The following ITSN1 variants were observed in gnomAD, a reference collection of about 807,000 sequenced individuals.
ITSN1 encodes intersectin 1.
In ITSN1, 58 loss-of-function variants were observed where a neutral mutation model predicts 239.8. That is an observed-to-expected ratio of 0.24 (90% CI 0.20 to 0.30). The LOEUF (loss-of-function observed/expected upper bound fraction) is 0.30, where lower values mean the gene tolerates loss of function less well. ITSN1 is among the 10% of genes least tolerant of loss of function. ITSN1 has a pLI of 1.00. For synonymous variants in ITSN1, 780 were observed against 770.8 expected, an observed-to-expected ratio of 1.01 and a Z score of -0.20; for missense variants, 1,558 against 2,103.3, an observed-to-expected ratio of 0.74 and a Z score of 5.07.
chr21:33,709,144 C>T (rs991297245), intron 1 of ITSN1, among the ~76,000 whole-genome samples: 1 of 152,108 alleles, frequency 6.6e-6, no homozygotes, highest in Admixed American at 6.6e-5. Context: ...ATCAGCTTGC[C>T]GATTTCTGCC....
At position 33,844,864 on chromosome 21, in the gene ITSN1, C is replaced by G. The variant is rs898502418; in HGVS notation, c.3661+8232C>G. Among the ~76,000 whole-genome samples, 19 of 152,184 alleles carry G rather than the reference C, an allele frequency of 1.2e-4. No homozygotes were observed. The East Asian group carries it at 3.7e-3, about 29-fold the overall frequency. On this transcript the variant is annotated intron_variant, in intron 29 of 39. Transcript: ENST00000381318. ...ACTGACTTGGTATCCAGTGGGATTCCTCCCTCCATCCCATTCTCTAGGGGG... is the reference window on the plus strand; with the variant it reads ...ACTGACTTGGTATCCAGTGGGATTCGTCCCTCCATCCCATTCTCTAGGGGG...
Position 33,834,400 on chromosome 21 carries a change from C to T in ITSN1, c.3445C>T (p.Pro1149Ser). Residue 1149 changes from proline (P) to serine (S), a missense_variant, in exon 28 of 40, where the codon CCT becomes TCT. Coordinates refer to ENST00000381318, the MANE Select transcript of ITSN1 (RefSeq NM_003024.3). ...GTSKITPTEP[P>S]KSTALAAVCQ... is the part of the protein sequence containing the mutation. ...GAGCAAAATCACTCCAACAGAGCCA[C>T]CTAAGTCAACAGCATTAGCGGCAGG... 1.2e-6 allele frequency: 2 copies of T among 1,612,692 alleles called. No homozygotes were observed. The highest frequency in any genetic ancestry group is 1.7e-6 in the Non-Finnish European group (2 of 1,179,008).
chr21:33,873,940 C>T (rs973952456), intron 33 of ITSN1, among the ~76,000 whole-genome samples: 2 of 151,876 alleles, frequency 1.3e-5, no homozygotes, highest in Non-Finnish European at 2.9e-5. Flanking sequence ...GCAGGCAGAA[C>T]ATCTGAGGTC....
chr21:33,770,761 T>G (rs1466168704), intron 11 of ITSN1, among the ~76,000 whole-genome samples: 5 of 146,440 alleles, frequency 3.4e-5, no homozygotes, highest in Admixed American at 1.4e-4. Context: ...AGGGGGACTT[T>G]GAATTTTTTT....
chr21:33,876,114 T>C (rs200963386), intron 34 of ITSN1, among the ~76,000 whole-genome samples: 2,002 of 21,664 alleles, frequency 0.092, 20 homozygotes, highest in Non-Finnish European at 0.11. Context: ...TCTTTCTTTC[T>C]TTCTTTCTTT....
intron 1 of ITSN1, among the ~76,000 whole-genome samples, chr21:33,669,455 T>G (rs2090126922): frequency 6.6e-6 from 1 of 151,366 alleles, no homozygotes; most frequent in African/African-American, 2.4e-5. Context: ...TTTTTTTTTT[T>G]TTGAGACGGA....
intron 19 of ITSN1, among the ~76,000 whole-genome samples, chr21:33,801,119 A>T (rs193280443): frequency 1.1e-3 from 167 of 152,208 alleles, no homozygotes; most frequent in African/African-American, 3.9e-3. Context: ...CGATCCTCCC[A>T]GGTCAGCCTC....
Position 33,656,348 on chromosome 21 carries a change from AAATTAAT to A in ITSN1, c.-33+13647_-33+13653del, listed in dbSNP as rs371371322. Among the ~76,000 whole-genome samples the A allele has an allele frequency of 4.5e-4, 69 of 152,394 alleles. No individual in the cohort carries two copies. The East Asian group carries it at 8.9e-3, about 20-fold the overall frequency. On this transcript the variant is annotated intron_variant, in intron 1 of 39. Transcript: ENST00000381318. ...ACTCAGTGTATGATCAGTGTCATAC[AAATTAAT>A]AATTAATAATTGAAGTTACTTTTAA...
At chr21:33,675,160 G>T (rs562075148) in intron 1 of ITSN1, among the ~76,000 whole-genome samples, 1 of 151,974 alleles carries the variant, frequency 6.6e-6, no homozygotes, top group African/African-American at 2.4e-5. Flanking sequence ...TTTTTTAGGC[G>T]CAGAGTATCT....
chr21:33,760,735 G>A (rs531779219), intron 8 of ITSN1, among the ~76,000 whole-genome samples: 24 of 152,138 alleles, frequency 1.6e-4, no homozygotes, highest in Admixed American at 6.5e-4. Context: ...ATGAGGTGAC[G>A]TTTGAATAAA....
rs150795460 is a variant in ITSN1, at chr21:33,891,901, C to T, written c.*3601C>T. On this transcript the variant is annotated 3_prime_UTR_variant, in exon 40 of 40. Coordinates refer to ENST00000381318, the MANE Select transcript of ITSN1 (RefSeq NM_003024.3). Reference sequence around the variant, plus strand: ...TGATAAGAAGAAAATGTGTTTTGTACGTGTAACAACTTTAAGAATTTCCAT... The same window carrying T: ...TGATAAGAAGAAAATGTGTTTTGTATGTGTAACAACTTTAAGAATTTCCAT... 85 of 151,222 alleles carry T rather than the reference C, an allele frequency of 5.6e-4. No homozygotes were observed. Among genetic ancestry groups the T allele is most frequent in the African/African-American group, 2.0e-3 (82 of 41,276 alleles). 9.4% of individuals were successfully genotyped at this position (151,222 alleles called of 1,614,324 possible).
At chr21:33,727,362 G>C (rs1054622730) in intron 4 of ITSN1, among the ~76,000 whole-genome samples, 1 of 152,060 alleles carries the variant, frequency 6.6e-6, no homozygotes, top group African/African-American at 2.4e-5. Flanking sequence ...TGGAATCTGA[G>C]ACGGAGGGCC....
At chr21:33,857,771 A>G (rs1979640981) in intron 30 of ITSN1, among the ~76,000 whole-genome samples, 1 of 152,192 alleles carries the variant, frequency 6.6e-6, no homozygotes, top group Non-Finnish European at 1.5e-5. Flanking sequence ...CAGGATGTCC[A>G]GGGTGCAAGT....
At chr21:33,868,550 G>A (rs1175129268) in intron 33 of ITSN1, among the ~76,000 whole-genome samples, 2 of 152,334 alleles carry the variant, frequency 1.3e-5, no homozygotes, top group African/African-American at 4.8e-5. Context: ...CTCCGCAGCC[G>A]CTGGCCCGGG....
chr21:33,825,171 C>T (rs761411931), intron 25 of ITSN1, among the ~76,000 whole-genome samples: 28 of 151,802 alleles, frequency 1.8e-4, no homozygotes, highest in Admixed American at 1.8e-3. Context: ...TAAAACCATC[C>T]GAAATAAATT....
chr21:33,795,441 C>G (rs1448922108), intron 17 of ITSN1, among the ~76,000 whole-genome samples: 1 of 152,212 alleles, frequency 6.6e-6, no homozygotes, highest in African/African-American at 2.4e-5. Context: ...GAGCAAGACT[C>G]TGTCTCAAGA....
intron 1 of ITSN1, among the ~76,000 whole-genome samples, chr21:33,658,544 G>A (rs2089282872): frequency 2.0e-5 from 3 of 152,244 alleles, no homozygotes; most frequent in South Asian, 2.1e-4. Flanking sequence ...GAAAAGGCAC[G>A]GTAAAAATAT....
At chr21:33,831,139 G>A (rs75776146) in intron 27 of ITSN1, among the ~76,000 whole-genome samples, 2,065 of 152,208 alleles carry the variant, frequency 0.014, 51 homozygotes, top group African/African-American at 0.045. Flanking sequence ...CTCCCTCCCC[G>A]CATCCTCCCC....
intron 12 of ITSN1, among the ~76,000 whole-genome samples, chr21:33,774,154 G>A (rs1056067979): frequency 6.6e-6 from 1 of 152,198 alleles, no homozygotes; most frequent in African/African-American, 2.4e-5. Context: ...CCATGAGTCA[G>A]AGGCAATTCC....
Sources: gnomAD v4.1 joint callset for allele counts (sites outside exome capture counted in the v4.1 genomes callset) on GRCh38, gnomAD v4.1.1 for gene constraint, MANE v1.5 for transcripts, NCBI Gene and HGNC (gene_info 2026-07-23, HGNC 2026-07-21) for gene names.